INTU: variants seen among roughly 807,000 people sequenced by gnomAD.
The protein encoded by INTU is inturned planar cell polarity protein, also known as protein inturned.
INTU carries 68 observed loss-of-function variants against 100.5 expected under a neutral mutation model. The observed-to-expected ratio is 0.68, with a 90% CI of 0.56 to 0.83. The LOEUF is 0.83. INTU is among the 40% of genes least tolerant of loss of function. The pLI, the probability that INTU is intolerant of heterozygous loss-of-function variation, is 0.00. For missense variants in INTU, 1,071 were observed against 1,114.7 expected, an observed-to-expected ratio of 0.96 and a Z score of 0.56; for synonymous variants, 357 against 395.7, an observed-to-expected ratio of 0.90 and a Z score of 1.16.
chr4:127,654,371 T>G (rs1477319586), intron 2 of INTU, among the ~76,000 whole-genome samples: 2 of 152,360 alleles, frequency 1.3e-5, no homozygotes, highest in South Asian at 4.1e-4. Flanking sequence ...CGGTTGTTCC[T>G]TTCCATGTTT....
At chr4:127,655,542 A>G (rs1193997879) in intron 2 of INTU, among the ~76,000 whole-genome samples, 1 of 151,678 alleles carries the variant, frequency 6.6e-6, no homozygotes, top group Non-Finnish European at 1.5e-5. Context: ...CTCGGGGGTC[A>G]GGGGTCAGGG....
At chr4:127,644,854 T>G (rs1727502779) in intron 2 of INTU, among the ~76,000 whole-genome samples, 1 of 152,226 alleles carries the variant, frequency 6.6e-6, no homozygotes, top group Non-Finnish European at 1.5e-5. Flanking sequence ...ACAGATAAAT[T>G]TACAAATATT....
chr4:127,663,407 T>C lies in INTU; in HGVS notation c.795T>C (p.Tyr265=). Residue 265 remains tyrosine (Y), a synonymous_variant, in exon 4 of 16, where the codon TAT becomes TAC. Coordinates refer to ENST00000335251, the MANE Select transcript of INTU (RefSeq NM_015693.4). ...MQVKLTFENA[Y]DVKRETSHPR... is the part of the protein sequence containing the mutation. Reference sequence around the variant, plus strand: ...TGAAACTGACATTTGAAAATGCATATGATGTGAAAAGGGAGACGTCCCATC... The same window carrying C: ...TGAAACTGACATTTGAAAATGCATACGATGTGAAAAGGGAGACGTCCCATC... 1 of 1,612,946 alleles carries C rather than the reference T, an allele frequency of 6.2e-7. No homozygotes were observed. Among genetic ancestry groups the C allele is most frequent in the South Asian group, 1.1e-5 (1 of 91,038 alleles).
chr4:127,721,839 T>A lies in INTU; in HGVS notation c.*5403T>A, dbSNP rs1466453248. 6.6e-6 allele frequency: 1 copy of A among 152,230 alleles called. No individual in the cohort carries two copies. The highest frequency in any genetic ancestry group is 1.5e-5 in the Non-Finnish European group (1 of 68,044). The allele number at this position is 152,230 out of a possible 1,614,324, so 9.4% of individuals were successfully genotyped here. A position where few individuals can be genotyped will look rare whatever the true frequency, so the allele number is the denominator to read the frequency against. ...AGATCATTTACGTTCCTCTCCAAAC[T>A]GGTTATTCTGTTTAACAGCTCCTAT... On this transcript the variant is annotated 3_prime_UTR_variant, in exon 16 of 16. Transcript: ENST00000335251.
rs75047160 is a variant in INTU, at chr4:127,668,239, C to T, written c.973-797C>T. 5.9e-3 allele frequency among the ~76,000 whole-genome samples: 890 copies of T among 152,038 alleles called. 7 individuals carry two copies. Among genetic ancestry groups the T allele is most frequent in the Middle Eastern group, 0.017 (5 of 294 alleles). ...TCTTTGTATGAAAGTATTAGCACAG[C>T]GCACATCCTGATTTTGAAGTTTGTC... On this transcript the variant is annotated intron_variant, in intron 4 of 15. Coordinates refer to ENST00000335251, the MANE Select transcript of INTU (RefSeq NM_015693.4).
chr4:127,691,287 A>G (rs939857540), intron 8 of INTU, among the ~76,000 whole-genome samples: 9 of 152,122 alleles, frequency 5.9e-5, no homozygotes, highest in Non-Finnish European at 1.2e-4. Flanking sequence ...TGTTTGGGCA[A>G]TTAATTCTTG....
chr4:127,688,971 C>CTTTTTT (rs763570146), intron 8 of INTU, among the ~76,000 whole-genome samples: 14 of 88,012 alleles, frequency 1.6e-4, no homozygotes, highest in Admixed American at 2.5e-4. Flanking sequence ...TTCTTTCTTT[C>CTTTTTT]TTTTTTTTTT....
In INTU at chr4:127,633,237, C is replaced by T. The variant is rs781767401; in HGVS notation, c.146+57C>T. 33 of 1,563,040 alleles carry T rather than the reference C, an allele frequency of 2.1e-5. No individual in the cohort carries two copies. In the Admixed American group the frequency reaches 3.2e-4, roughly 15 times the overall value. ...ATCCCATCAATCCAGAGAATATACACGTGGGCTGGGGGAACTGCAAGGGTG... is the reference window on the plus strand; with the variant it reads ...ATCCCATCAATCCAGAGAATATACATGTGGGCTGGGGGAACTGCAAGGGTG... On this transcript the variant is annotated intron_variant, in intron 1 of 15. Transcript: ENST00000335251.
chr4:127,634,096 C>T (rs1337394456), intron 1 of INTU, among the ~76,000 whole-genome samples: 1 of 152,116 alleles, frequency 6.6e-6, no homozygotes, highest in East Asian at 1.9e-4. Context: ...TGTTATTTGG[C>T]AATTGTTTTT....
At chr4:127,689,673 A>G (rs1319961421) in intron 8 of INTU, among the ~76,000 whole-genome samples, 1 of 151,954 alleles carries the variant, frequency 6.6e-6, no homozygotes, top group Non-Finnish European at 1.5e-5. Flanking sequence ...CAGGAAAGGA[A>G]AGGAAAAGGA....
chr4:127,722,434 C>G lies in INTU; in HGVS notation c.*5998C>G, dbSNP rs1731359287. On this transcript the variant is annotated 3_prime_UTR_variant, in exon 16 of 16. Coordinates refer to ENST00000335251, the MANE Select transcript of INTU (RefSeq NM_015693.4). ...AGGTCTCAGTCAGAAGGAGCGGGGT[C>G]AGAGAACCACTTAAATAAGCAGTCT... is the stretch of plus-strand genomic sequence containing the variant. 6.6e-6 allele frequency: 1 copy of G among 152,350 alleles called. No individual in the cohort carries two copies. Among genetic ancestry groups the G allele is most frequent in the South Asian group, 2.1e-4 (1 of 4,840 alleles). 9.4% of individuals were successfully genotyped at this position (152,350 alleles called of 1,614,324 possible).
At position 127,674,061 on chromosome 4, in the gene INTU, A is replaced by G. The variant is rs972720161; in HGVS notation, c.1092-63A>G. ...TACCATATGCAATCTTTTATGAATT[A>G]TACTTATAATTTTATGACATTTAAA... On this transcript the variant is annotated intron_variant, in intron 5 of 15. Transcript: ENST00000335251. 9.4e-6 allele frequency: 10 copies of G among 1,068,378 alleles called. No individual in the cohort carries two copies. The African/African-American group carries it at 1.1e-4, about 12-fold the overall frequency. The allele number at this position is 1,068,378 out of a possible 1,614,324, so 66.2% of individuals were successfully genotyped here.
chr4:127,664,717 AT>A (rs1321228480), intron 4 of INTU, among the ~76,000 whole-genome samples: 8 of 151,492 alleles, frequency 5.3e-5, no homozygotes, highest in East Asian at 3.9e-4. Flanking sequence ...AAGTATTTGA[AT>A]TTTTTTTCTT....
Position 127,706,727 on chromosome 4 carries a change from C to G in INTU, c.2029C>G (p.Leu677Val). 1 of 1,614,072 alleles carries G rather than the reference C, an allele frequency of 6.2e-7. No homozygotes were observed. The highest frequency in any genetic ancestry group is 8.5e-7 in the Non-Finnish European group (1 of 1,179,972). ...KTDSLTTSPILSRLQGTSKVA... is the reference protein window; with the variant it reads ...KTDSLTTSPIVSRLQGTSKVA... ...AGATAGCTTGACCACTTCGCCTATT[C>G]TCAGTAGGCTACAAGGTACTTCCAA... Residue 677 changes from leucine (L) to valine (V), a missense_variant, in exon 12 of 16, where the codon CTC (leucine) becomes GTC (valine). Leu to Val is a conservative substitution (Grantham distance 32). Transcript: ENST00000335251.
chr4:127,707,056 G>T, intron 12 of INTU, 87 bp downstream of exon 12: 1 of 1,402,806 alleles, frequency 7.1e-7, no homozygotes, highest in South Asian at 1.4e-5. Context: ...TTTTTTAGTG[G>T]CATACCATTC....
At chr4:127,674,025 T>C in intron 5 of INTU, 99 bp from the exon 6 acceptor site, 2 of 678,644 alleles carry the variant, frequency 2.9e-6, no homozygotes, top group Non-Finnish European at 4.6e-6. Context: ...AAGTATGTAG[T>C]TCTTAAATCA....
In INTU at chr4:127,656,692, G is replaced by A. The variant is rs1728243883; in HGVS notation, c.739G>A (p.Val247Ile). The A allele has an allele frequency of 6.2e-7, 1 of 1,610,534 alleles. No individual in the cohort carries two copies. The highest frequency in any genetic ancestry group is 1.1e-5 in the South Asian group (1 of 90,684). ...TGTTACTACTGAAAACATCGAGAGA[G>A]TTCTGTCTTGCATTCCTGGACCTAT... ...VDVTTENIER[V>I]LSCIPGPMQV... Residue 247 changes from valine to isoleucine, a missense_variant, in exon 3 of 16, where the codon GTT becomes ATT. Physicochemically the swap from Val to Ile is conservative, Grantham distance 29. Coordinates refer to ENST00000335251, the MANE Select transcript of INTU (RefSeq NM_015693.4).
chr4:127,670,487 A>C (rs1024047047), intron 5 of INTU, among the ~76,000 whole-genome samples: 5 of 151,978 alleles, frequency 3.3e-5, no homozygotes, highest in African/African-American at 1.2e-4. Flanking sequence ...TGGAGGCTCT[A>C]TTTAGTTTAT....
intron 14 of INTU, 33 bp from the exon 15 acceptor site, chr4:127,713,903 C>A: frequency 6.8e-7 from 1 of 1,460,670 alleles, no homozygotes; most frequent in Non-Finnish European, 9.4e-7. Context: ...CTGGTAATAC[C>A]AGTTAATACT....
Sources: gnomAD v4.1 joint callset for allele counts (sites outside exome capture counted in the v4.1 genomes callset) on GRCh38, gnomAD v4.1.1 for gene constraint, MANE v1.5 for transcripts, NCBI Gene and HGNC (gene_info 2026-07-23, HGNC 2026-07-21) for gene names.